The following NRCAM variants were observed in gnomAD, a reference collection of about 807,000 sequenced individuals.
NRCAM encodes NgCAM-related cell adhesion molecule.
NRCAM carries 83 observed loss-of-function variants against 156.5 expected under a neutral mutation model. That is an observed-to-expected ratio of 0.53 (90% confidence interval 0.44 to 0.64). NRCAM has a LOEUF of 0.64. NRCAM is among the 30% of genes least tolerant of loss of function. The probability of loss-of-function intolerance (pLI) is 0.00; values close to 1 mark genes in which losing one functional copy is unlikely to be tolerated. For missense variants in NRCAM, 1,417 were observed against 1,597.3 expected, an observed-to-expected ratio of 0.89 and a Z score of 1.92; for synonymous variants, 538 against 563.9, an observed-to-expected ratio of 0.95 and a Z score of 0.65.
intron 2 of NRCAM, among the ~76,000 whole-genome samples, chr7:108,358,166 G>T (rs953513576): frequency 1.3e-4 from 19 of 151,158 alleles, no homozygotes; most frequent in African/African-American, 4.6e-4. Flanking sequence ...CCAGTACTGT[G>T]AGAGGCCAAG....
Position 108,400,997 on chromosome 7 carries a change from C to T in NRCAM, c.-331-1404G>A, listed in dbSNP as rs144157038. ...ACTACAGGCCAGGTCCAGTGGCTCA[C>T]GCCTGTAATCCCAGCACTTTGGGAG... On this transcript the variant is annotated intron_variant, in intron 1 of 32. Coordinates refer to ENST00000379028, the MANE Select transcript of NRCAM (RefSeq NM_001037132.4). Among the ~76,000 whole-genome samples the T allele has an allele frequency of 1.2e-4, 18 of 152,308 alleles. No homozygotes were observed. The East Asian group carries it at 2.7e-3, about 23-fold the overall frequency.
intron 1 of NRCAM, among the ~76,000 whole-genome samples, chr7:108,451,421 A>T (rs759942982): frequency 2.7e-5 from 4 of 148,440 alleles, no homozygotes; most frequent in Non-Finnish European, 4.5e-5. Flanking sequence ...AAAAAAAAAT[A>T]GAACTACCAT....
intron 2 of NRCAM, among the ~76,000 whole-genome samples, chr7:108,334,737 C>A (rs1056990984): frequency 6.6e-6 from 1 of 152,016 alleles, no homozygotes; most frequent in Non-Finnish European, 1.5e-5. Flanking sequence ...ACCAGACACA[C>A]CAAGGAGGGA....
chr7:108,396,155 G>A (rs559953666), intron 2 of NRCAM, among the ~76,000 whole-genome samples: 2 of 152,290 alleles, frequency 1.3e-5, no homozygotes, highest in Admixed American at 6.5e-5. Flanking sequence ...GAATATGAGT[G>A]AGACAGAAAA....
intron 2 of NRCAM, among the ~76,000 whole-genome samples, chr7:108,386,013 C>G (rs1196386686): frequency 6.6e-6 from 1 of 152,030 alleles, no homozygotes; most frequent in African/African-American, 2.4e-5. Context: ...GGCCCCTAGG[C>G]TGAGCTGTCA....
chr7:108,230,933 CTAAAACATTTTATGAATCA>C, intron 8 of NRCAM, 79 bp downstream of exon 8: 1 of 962,060 alleles, frequency 1.0e-6, no homozygotes, highest in Non-Finnish European at 1.5e-6. Context: ...CTGAGCATCT[CTAAAACATTTTATGAATCA>C]TAAGAGGTAA....
At chr7:108,401,426 C>A (rs1014113) in intron 1 of NRCAM, among the ~76,000 whole-genome samples, 134,958 of 152,070 alleles carry the variant, frequency 0.89, 59,954 homozygotes, top group South Asian at 0.93. Flanking sequence ...CTGTGGTCCC[C>A]GCTACTCCAG....
At chr7:108,450,031 T>C (rs1186135529) in intron 1 of NRCAM, among the ~76,000 whole-genome samples, 1 of 152,136 alleles carries the variant, frequency 6.6e-6, no homozygotes, top group Admixed American at 6.5e-5. Context: ...CCTACCATTA[T>C]TTAATGAGAA....
intron 2 of NRCAM, among the ~76,000 whole-genome samples, chr7:108,314,960 C>T (rs748787852): frequency 6.6e-6 from 1 of 152,148 alleles, no homozygotes; most frequent in Admixed American, 6.6e-5. Flanking sequence ...CTTAACAATA[C>T]AGTAAAGGTT....
rs79342974 is a variant in NRCAM at position 108,167,035 on chromosome 7, G to A, written c.3352C>T (p.Arg1118Trp). The A allele has an allele frequency of 5.6e-5, 90 of 1,613,674 alleles. No homozygotes were observed. Among genetic ancestry groups the A allele is most frequent in the Non-Finnish European group, 7.3e-5 (86 of 1,179,814 alleles). The stretch of plus-strand genomic sequence containing the variant: ...AGACCCTTTAACCCAAAGAAGCTCC[G>A]AGAACCATTTACAATTTCTTTTCTC... The part of the protein sequence containing the change: ...EWRKEIVNGS[R>W]SFFGLKGLMP... The change falls in exon 30 of 33, where the codon CGG becomes TGG. Residue 1118 changes from arginine (R) to tryptophan (W), a missense_variant. Around this residue, in one of 2 missense-constraint regions of NRCAM, gnomAD observed 179 missense variants for 260.9 expected, o/e 0.69. Coordinates refer to ENST00000379028, the MANE Select transcript of NRCAM (RefSeq NM_001037132.4).
At chr7:108,173,635 A>G (rs1388027826) in intron 28 of NRCAM, among the ~76,000 whole-genome samples, 1 of 152,212 alleles carries the variant, frequency 6.6e-6, no homozygotes, top group Non-Finnish European at 1.5e-5. Context: ...ATTAAAATAA[A>G]CCATATTAAA....
intron 1 of NRCAM, among the ~76,000 whole-genome samples, chr7:108,417,761 A>T: frequency 2.0e-5 from 3 of 148,058 alleles, no homozygotes; most frequent in South Asian, 4.4e-4. Flanking sequence ...TTTCTTTTTC[A>T]CTCTCTTTCT....
intron 21 of NRCAM, 37 bp from the exon 22 acceptor site, chr7:108,184,348 C>A (rs1290790471): frequency 2.5e-6 from 4 of 1,613,404 alleles, no homozygotes; most frequent in African/African-American, 1.3e-5. Context: ...TAAGCTTTGG[C>A]CTTTTGCGAA....
intron 1 of NRCAM, among the ~76,000 whole-genome samples, chr7:108,400,187 G>T (rs1489969900): frequency 6.6e-6 from 1 of 152,194 alleles, no homozygotes; most frequent in Non-Finnish European, 1.5e-5. Flanking sequence ...GGTTAAAGTG[G>T]AACAGAATAA....
chr7:108,324,269 G>GT (rs11397633), intron 2 of NRCAM, among the ~76,000 whole-genome samples: 72,499 of 151,926 alleles, frequency 0.48, 17,836 homozygotes, highest in Non-Finnish European at 0.54. Context: ...GCATGATCCT[G>GT]GGGGTGCCAC....
At chr7:108,416,118 C>A (rs1319129713) in intron 1 of NRCAM, among the ~76,000 whole-genome samples, 1 of 152,230 alleles carries the variant, frequency 6.6e-6, no homozygotes, top group African/African-American at 2.4e-5. Flanking sequence ...AACGGGCCAG[C>A]TGCTGATGTG....
At chr7:108,167,524 G>A (rs552120911) in intron 29 of NRCAM, among the ~76,000 whole-genome samples, 2 of 152,222 alleles carry the variant, frequency 1.3e-5, no homozygotes, top group South Asian at 2.1e-4. Flanking sequence ...CCAATTAATC[G>A]ATTCAACCTT....
Position 108,374,103 on chromosome 7 carries a change from C to T in NRCAM, c.-174+25333G>A, listed in dbSNP as rs914714851. On this transcript the variant is annotated intron_variant, in intron 2 of 32. Coordinates refer to ENST00000379028, the MANE Select transcript of NRCAM (RefSeq NM_001037132.4). ...CATGCATATTAGAGAAAAGGGAAGC[C>T]TCCTACTGACATAACCTAATACTTA... Among the ~76,000 whole-genome samples the T allele has an allele frequency of 3.4e-4, 51 of 152,230 alleles. 1 individual carries two copies. The highest frequency in any genetic ancestry group is 1.1e-3 in the African/African-American group (44 of 41,550).
chr7:108,395,172 T>C (rs1350786349), intron 2 of NRCAM, among the ~76,000 whole-genome samples: 3 of 152,192 alleles, frequency 2.0e-5, no homozygotes, highest in African/African-American at 7.2e-5. Flanking sequence ...TGCTATTCTA[T>C]TAACTAAGGC....
Sources: allele counts gnomAD v4.1 joint callset (sites outside exome capture counted in the v4.1 genomes callset), GRCh38; gene constraint gnomAD v4.1.1; regional missense constraint gnomAD v4.1.1; transcripts MANE v1.5; gene names NCBI Gene and HGNC (gene_info 2026-07-23, HGNC 2026-07-21).